ITK: variants seen among roughly 807,000 people sequenced by gnomAD.
ITK encodes IL2 inducible T cell kinase.
ITK carries 45 observed loss-of-function variants against 87.6 expected under a neutral mutation model. That is an observed-to-expected ratio of 0.51 (90% CI 0.40 to 0.66). The LOEUF (loss-of-function observed/expected upper bound fraction) is 0.66, where lower values mean the gene tolerates loss of function less well. Among genes scored for constraint, ITK ranks in the 30% least tolerant of loss-of-function variants. The pLI is 0.00. For synonymous variants in ITK, 303 were observed against 273.6 expected (o/e 1.11, Z -1.06); for missense variants, 605 against 766.3 (o/e 0.79, Z 2.48).
At chr5:157,213,872 G>C (rs1424750111) in intron 3 of ITK, among the ~76,000 whole-genome samples, 1 of 152,196 alleles carries the variant, frequency 6.6e-6, no homozygotes, top group East Asian at 1.9e-4. Flanking sequence ...CCTTTGTAGA[G>C]CCCAGTGTTT....
At chr5:157,251,518 C>T (rs1755138442) in intron 16 of ITK, among the ~76,000 whole-genome samples, 1 of 152,216 alleles carries the variant, frequency 6.6e-6, no homozygotes, top group African/African-American at 2.4e-5. Context: ...AGCTCAACAT[C>T]AACTTATTTA....
intron 7 of ITK, among the ~76,000 whole-genome samples, chr5:157,228,948 G>A (rs71591327): frequency 0.016 from 2,485 of 152,274 alleles, 27 homozygotes; most frequent in Non-Finnish European, 0.027. Flanking sequence ...GGGCGTGTCA[G>A]ATGAGCACAG....
rs546776258 is a variant in ITK at position 157,234,171 on chromosome 5, G to A, written c.768+1777G>A. Among the ~76,000 whole-genome samples, 3 of 151,042 alleles carry A rather than the reference G, an allele frequency of 2.0e-5. No individual in the cohort carries two copies. The South Asian group carries it at 6.3e-4, about 32-fold the overall frequency. Reference sequence around the variant, plus strand: ...CATTTTTGTATTTTTACTAGAGACGGGGTGTCGCCCTGTTGGCCAGACTGG... The same window carrying A: ...CATTTTTGTATTTTTACTAGAGACGAGGTGTCGCCCTGTTGGCCAGACTGG... On this transcript the variant is annotated intron_variant, in intron 8 of 16. Transcript: ENST00000422843.
intron 3 of ITK, among the ~76,000 whole-genome samples, chr5:157,212,536 A>C (rs974470670): frequency 4.6e-5 from 7 of 152,176 alleles, no homozygotes; most frequent in African/African-American, 1.7e-4. Flanking sequence ...AGTAATCAAA[A>C]TGGGCTGGGC....
chr5:157,184,358 C>T (rs371251466), intron 1 of ITK, among the ~76,000 whole-genome samples: 122 of 152,240 alleles, frequency 8.0e-4, no homozygotes, highest in African/African-American at 2.9e-3. Flanking sequence ...CTCACAGATT[C>T]CTGAAAACTT....
chr5:157,195,865 G>A (rs1753846684), intron 1 of ITK: 1 of 152,266 alleles, frequency 6.6e-6, no homozygotes, highest in East Asian at 1.9e-4. Flanking sequence ...TTTTAATGAA[G>A]GTTGGTCTGT....
Position 157,248,835 on chromosome 5 carries a change from CA to C in ITK, c.1634-14del. On this transcript the variant is annotated splice_polypyrimidine_tract_variant and intron_variant, in intron 15 of 16. Transcript: ENST00000422843. ...GCTTTGTCATTCACTGTGCTGTGCT[CA>C]CCATTTCTTGTAGGTGTGCTGATGT... 6.2e-7 allele frequency: 1 copy of C among 1,613,900 alleles called. No individual in the cohort carries two copies. Among genetic ancestry groups the C allele is most frequent in the Non-Finnish European group, 8.5e-7 (1 of 1,179,856 alleles).
intron 3 of ITK, among the ~76,000 whole-genome samples, chr5:157,213,291 C>T (rs1316386166): frequency 6.6e-6 from 1 of 152,146 alleles, no homozygotes; most frequent in African/African-American, 2.4e-5. Context: ...GGAAAATATC[C>T]CCGTGATCCA....
chr5:157,240,425 C>G (rs1754866062), intron 10 of ITK: 2 of 582,452 alleles, frequency 3.4e-6, no homozygotes, highest in African/African-American at 3.7e-5. Context: ...AAGCAACCCC[C>G]TGCCACATCC....
intron 1 of ITK, among the ~76,000 whole-genome samples, chr5:157,190,833 T>A (rs539118485): frequency 6.6e-6 from 1 of 151,636 alleles, no homozygotes; most frequent in African/African-American, 2.4e-5. Context: ...ACATGCAGAG[T>A]TCAAGAGAGG....
chr5:157,217,820 A>G (rs1169650711), intron 4 of ITK, 47 bp from the exon 5 acceptor site: 1 of 1,579,952 alleles, frequency 6.3e-7, no homozygotes. Context: ...GGTTGGGTCC[A>G]TTAGTTTTCA....
In ITK at chr5:157,254,237, T is replaced by C. The variant is rs1755207636; in HGVS notation, c.*1559T>C. ...GCACAGACCACTGTGGTTGATGGCA[T>C]GGCCCTCCAACTTGGAATAGGATTT... is the stretch of plus-strand genomic sequence containing the variant. On this transcript the variant is annotated 3_prime_UTR_variant, in exon 17 of 17. Transcript: ENST00000422843. 2 of 229,844 alleles carry C rather than the reference T, an allele frequency of 8.7e-6. No homozygotes were observed. The highest frequency in any genetic ancestry group is 6.2e-5 in the East Asian group (1 of 16,178). 14.2% of individuals were successfully genotyped at this position (229,844 alleles called of 1,614,324 possible). A position where few individuals can be genotyped will look rare whatever the true frequency, so the allele number is the denominator to read the frequency against.
intron 6 of ITK, among the ~76,000 whole-genome samples, chr5:157,225,093 C>T (rs1754504804): frequency 6.6e-6 from 1 of 152,088 alleles, no homozygotes; most frequent in Admixed American, 6.6e-5. Flanking sequence ...CTCTCAGGCT[C>T]AAGTGATCCT....
chr5:157,243,968 C>G, intron 12 of ITK, 174 bp downstream of exon 12: 1 of 717,978 alleles, frequency 1.4e-6, no homozygotes, highest in Admixed American at 2.1e-5. Flanking sequence ...CAAGGCCCAC[C>G]ATAATCTGAT....
intron 11 of ITK, among the ~76,000 whole-genome samples, chr5:157,242,065 A>G (rs547758707): frequency 2.2e-4 from 34 of 152,372 alleles, no homozygotes; most frequent in African/African-American, 7.2e-4. Context: ...CCTATCTTCT[A>G]GAACTTTTAT....
rs1754958896 is a variant in ITK at position 157,243,642 on chromosome 5, C to T, written c.1080C>T (p.Pro360=). The T allele has an allele frequency of 1.2e-6, 2 of 1,612,804 alleles. No individual in the cohort carries two copies. The highest frequency in any genetic ancestry group is 1.9e-4 in the Middle Eastern group (1 of 5,204). ...TTCCAGGGAAATGGGTGATCGACCC[C>T]TCAGAGCTCACTTTTGTGCAAGAGA... is the stretch of plus-strand genomic sequence containing the variant. The part of the protein sequence containing the change: ...GLRYGKWVID[P]SELTFVQEIG... Residue 360 remains proline (P), a synonymous_variant, in exon 12 of 17, where the codon CCC becomes CCT. Transcript: ENST00000422843.
chr5:157,198,851 C>G (rs1753903013), intron 1 of ITK, among the ~76,000 whole-genome samples: 1 of 152,264 alleles, frequency 6.6e-6, no homozygotes, highest in South Asian at 2.1e-4. Context: ...CAACCTCAAC[C>G]CCCCAGGCTC....
chr5:157,246,146 G>A (rs989344459), intron 15 of ITK, 147 bp downstream of exon 15: 21 of 730,586 alleles, frequency 2.9e-5, no homozygotes, highest in Admixed American at 7.6e-5. Context: ...GAAAGGCCCC[G>A]AAAACTATGA....
intron 15 of ITK, among the ~76,000 whole-genome samples, chr5:157,247,511 T>C (rs1755046096): frequency 6.6e-6 from 1 of 152,222 alleles, no homozygotes; most frequent in Non-Finnish European, 1.5e-5. Flanking sequence ...CACATTCACC[T>C]TCTGACTCTG....
Sources: gnomAD v4.1 joint callset for allele counts (sites outside exome capture counted in the v4.1 genomes callset) on GRCh38, gnomAD v4.1.1 for gene constraint, MANE v1.5 for transcripts, NCBI Gene and HGNC (gene_info 2026-07-23, HGNC 2026-07-21) for gene names.